ST3GAL3: variants seen among roughly 807,000 people sequenced by gnomAD.
The protein encoded by ST3GAL3 is ST3 beta-galactoside alpha-2,3-sialyltransferase 3.
A neutral mutation model predicts 50.1 loss-of-function variants in ST3GAL3; 21 were observed. That is an observed-to-expected ratio of 0.42 (90% confidence interval 0.30 to 0.60). The LOEUF (loss-of-function observed/expected upper bound fraction) is 0.60. Among genes scored for constraint, ST3GAL3 ranks in the 20% least tolerant of loss-of-function variants. ST3GAL3 has a pLI of 0.19. For missense variants in ST3GAL3, 353 were observed against 489.4 expected, an observed-to-expected ratio of 0.72 and a Z score of 2.63; for synonymous variants, 183 against 190.0, an observed-to-expected ratio of 0.96 and a Z score of 0.30.
intron 5 of ST3GAL3, chr1:43,842,542 C>CA (rs1352763353): frequency 6.6e-6 from 1 of 152,142 alleles, no homozygotes. Flanking sequence ...CATGGTGGCT[C>CA]ACACCTGTAA....
Position 43,920,393 on chromosome 1 carries a change from T to C in ST3GAL3, c.745-11T>C, listed in dbSNP as rs946366798. ...GTGCCTCGTTGAGGCCCGCTTTTGC[T>C]GTGTCCACAGAGTGCATCGGATGGC... On this transcript the variant is annotated splice_polypyrimidine_tract_variant and intron_variant, in intron 9 of 11. Coordinates refer to ENST00000347631, the MANE Select transcript of ST3GAL3 (RefSeq NM_006279.5). The C allele has an allele frequency of 6.2e-7, 1 of 1,614,116 alleles. No individual in the cohort carries two copies. Among genetic ancestry groups the C allele is most frequent in the Non-Finnish European group, 8.5e-7 (1 of 1,180,024 alleles).
chr1:43,769,287 T>G (rs1414880401), intron 2 of ST3GAL3, among the ~76,000 whole-genome samples: 2 of 152,208 alleles, frequency 1.3e-5, no homozygotes, highest in Non-Finnish European at 2.9e-5. Context: ...TTCGTAAAAC[T>G]CAAGCAAATA....
At chr1:43,745,581 G>A (rs532414408) in intron 2 of ST3GAL3, among the ~76,000 whole-genome samples, 2 of 152,284 alleles carry the variant, frequency 1.3e-5, no homozygotes, top group Non-Finnish European at 2.9e-5. Context: ...AAGTGGTTCC[G>A]TAAGATTATA....
chr1:43,921,953 G>A (rs1636877), intron 11 of ST3GAL3: 41,023 of 393,976 alleles, frequency 0.1, 2,599 homozygotes, highest in South Asian at 0.22. Context: ...AACACTTTTC[G>A]TGTTGGCCAC....
chr1:43,731,936 C>G (rs1676108302), intron 1 of ST3GAL3, among the ~76,000 whole-genome samples: 1 of 152,146 alleles, frequency 6.6e-6, no homozygotes, highest in Non-Finnish European at 1.5e-5. Flanking sequence ...CCTCAGCCTC[C>G]CAAAGTGCTG....
chr1:43,930,057 G>A, intron 11 of ST3GAL3, 75 bp from the exon 12 acceptor site: 3 of 1,261,536 alleles, frequency 2.4e-6, no homozygotes, highest in Non-Finnish European at 3.5e-6. Context: ...TGGTGACGAA[G>A]AAGGCACCGA....
At chr1:43,849,233 G>A (rs2066830570) in intron 5 of ST3GAL3, among the ~76,000 whole-genome samples, 1 of 150,586 alleles carries the variant, frequency 6.6e-6, no homozygotes, top group Non-Finnish European at 1.5e-5. Flanking sequence ...TTGAGATCTA[G>A]GGTTCTTTTT....
Position 43,734,114 on chromosome 1 carries a change from G to A in ST3GAL3, c.-30-2119G>A, listed in dbSNP as rs144675013. Among the ~76,000 whole-genome samples the A allele has an allele frequency of 3.8e-3, 581 of 151,584 alleles. 5 individuals are homozygous for A. The highest frequency in any genetic ancestry group is 0.013 in the African/African-American group (550 of 41,386). On this transcript the variant is annotated intron_variant, in intron 1 of 11. Coordinates refer to ENST00000347631, the MANE Select transcript of ST3GAL3 (RefSeq NM_006279.5). ...CGACAGAGGGAAACTCCATCTCGGG[G>A]GGTAAAAAAAAAGAACCTCCTTTGT...
At chr1:43,826,452 A>C (rs939076770) in intron 4 of ST3GAL3, among the ~76,000 whole-genome samples, 2 of 152,226 alleles carry the variant, frequency 1.3e-5, no homozygotes, top group Admixed American at 6.5e-5. Flanking sequence ...TCCAAAGCAG[A>C]AACAACAGTC....
chr1:43,731,685 C>G (rs1198996130), intron 1 of ST3GAL3, among the ~76,000 whole-genome samples: 2 of 151,198 alleles, frequency 1.3e-5, no homozygotes, highest in Non-Finnish European at 2.9e-5. Context: ...GCGTGAGCCA[C>G]TGCGCCCGGC....
intron 2 of ST3GAL3, among the ~76,000 whole-genome samples, chr1:43,785,702 C>A (rs2057231738): frequency 2.0e-5 from 3 of 152,176 alleles, no homozygotes; most frequent in Admixed American, 2.0e-4. Flanking sequence ...ATCCAAGTCT[C>A]TACACTTCTT....
chr1:43,724,382 A>AT (rs36044239), intron 1 of ST3GAL3, among the ~76,000 whole-genome samples: 1,874 of 121,172 alleles, frequency 0.015, 20 homozygotes, highest in Middle Eastern at 0.025. Context: ...GGCTATTTTC[A>AT]TTTTTTTTTT....
At chr1:43,833,116 A>T (rs948042062) in intron 4 of ST3GAL3, among the ~76,000 whole-genome samples, 1 of 152,188 alleles carries the variant, frequency 6.6e-6, no homozygotes. Context: ...TGGTTCTAGA[A>T]ACTAGACTGA....
intron 2 of ST3GAL3, chr1:43,772,291 G>T: frequency 3.1e-6 from 1 of 326,290 alleles, no homozygotes; most frequent in Non-Finnish European, 5.5e-6. Flanking sequence ...GAGGTGATCC[G>T]CCCGCCTCAG....
intron 5 of ST3GAL3, among the ~76,000 whole-genome samples, chr1:43,845,963 A>G (rs2066184744): frequency 6.6e-6 from 1 of 152,152 alleles, no homozygotes. Flanking sequence ...TCTTTGTGTT[A>G]TAGATTTCTG....
intron 5 of ST3GAL3, among the ~76,000 whole-genome samples, chr1:43,893,408 T>C (rs2076927332): frequency 6.6e-6 from 1 of 152,230 alleles, no homozygotes; most frequent in South Asian, 2.1e-4. Context: ...AAACTGGCCA[T>C]CTTTGGGGCT....
At chr1:43,860,229 G>A (rs2069562135) in intron 5 of ST3GAL3, among the ~76,000 whole-genome samples, 1 of 152,162 alleles carries the variant, frequency 6.6e-6, no homozygotes, top group African/African-American at 2.4e-5. Context: ...GCTGCCTCTG[G>A]TTTAGCCAGT....
intron 1 of ST3GAL3, among the ~76,000 whole-genome samples, chr1:43,720,127 G>A (rs1419759041): frequency 1.3e-5 from 2 of 152,026 alleles, no homozygotes; most frequent in African/African-American, 4.8e-5. Flanking sequence ...TGCTGAGGAA[G>A]CTGAAGCAGG....
At chr1:43,922,902 C>G (rs1476184729) in intron 11 of ST3GAL3, among the ~76,000 whole-genome samples, 2 of 151,500 alleles carry the variant, frequency 1.3e-5, no homozygotes, top group African/African-American at 4.9e-5. Flanking sequence ...AAGATCGAGA[C>G]CATCCTGGCT....
Sources: allele counts gnomAD v4.1 joint callset (sites outside exome capture counted in the v4.1 genomes callset), GRCh38; gene constraint gnomAD v4.1.1; transcripts MANE v1.5; gene names NCBI Gene and HGNC (gene_info 2026-07-23, HGNC 2026-07-21).